Variants in PCDH15 observed in about 807,000 individuals in gnomAD.
PCDH15 encodes the protein protocadherin related 15.
Under a neutral mutation model 178.5 loss-of-function variants are expected in PCDH15, and 129 were observed. The observed-to-expected ratio is 0.72, with a 90% CI of 0.63 to 0.84. PCDH15 has a LOEUF of 0.84. PCDH15 is among the 40% of genes least tolerant of loss of function. PCDH15 has a pLI of 0.00. For synonymous variants in PCDH15, 800 were observed against 732.0 expected, an observed-to-expected ratio of 1.09 and a Z score of -1.50; for missense variants, 2,230 against 2,099.9, an observed-to-expected ratio of 1.06 and a Z score of -1.21.
intron 3 of PCDH15, among the ~76,000 whole-genome samples, chr10:54,414,748 A>G (rs11004287): frequency 0.32 from 48,800 of 151,972 alleles, 9,183 homozygotes; most frequent in East Asian, 0.89. Context: ...AACGAAGCCC[A>G]GAGAGTTTAT....
chr10:54,552,423 A>C (rs2086718490), intron 2 of PCDH15, among the ~76,000 whole-genome samples: 1 of 152,134 alleles, frequency 6.6e-6, no homozygotes, highest in Admixed American at 6.6e-5. Context: ...TTTCATGTCA[A>C]TGTCAGTTCT....
chr10:53,895,168 G>C (rs909077517), intron 26 of PCDH15, among the ~76,000 whole-genome samples: 10 of 152,104 alleles, frequency 6.6e-5, no homozygotes, highest in Admixed American at 6.6e-5. Context: ...GCCCCCAGGA[G>C]CCCTAACCTC....
chr10:54,188,384 G>T (rs1193090653), intron 11 of PCDH15, among the ~76,000 whole-genome samples: 1 of 151,708 alleles, frequency 6.6e-6, no homozygotes, highest in African/African-American at 2.4e-5. Flanking sequence ...TTCCAATAGG[G>T]GTAGCAGACT....
chr10:54,728,427 T>C (rs968447142), intron 1 of PCDH15, among the ~76,000 whole-genome samples: 2 of 151,362 alleles, frequency 1.3e-5, no homozygotes, highest in Non-Finnish European at 3.0e-5. Flanking sequence ...AGACATCATT[T>C]TGAATATACC....
chr10:55,366,837 A>T (rs1421558116), intron 2 of PCDH15, among the ~76,000 whole-genome samples: 4 of 152,054 alleles, frequency 2.6e-5, no homozygotes, highest in African/African-American at 7.2e-5. Flanking sequence ...CACTTAAAAA[A>T]TTTCTAAAAT....
In PCDH15 at chr10:54,298,214, A is replaced by T. The variant is rs185304084; in HGVS notation, c.876+19057T>A. Among the ~76,000 whole-genome samples the T allele has an allele frequency of 4.1e-3, 628 of 152,276 alleles. 2 individuals are homozygous for T. Among genetic ancestry groups the T allele is most frequent in the Non-Finnish European group, 6.2e-3 (422 of 68,028 alleles). On this transcript the variant is annotated intron_variant, in intron 8 of 37. Coordinates refer to ENST00000644397, the MANE Select transcript of PCDH15 (RefSeq NM_001384140.1). ...AATACACTCCACTGTCAACTGACTCACTAGAGGGTCTATTGATCCTAAAAG... is the reference window on the plus strand; with the variant it reads ...AATACACTCCACTGTCAACTGACTCTCTAGAGGGTCTATTGATCCTAAAAG...
chr10:55,450,745 T>C (rs898989026), intron 2 of PCDH15, among the ~76,000 whole-genome samples: 1 of 151,960 alleles, frequency 6.6e-6, no homozygotes, highest in Admixed American at 6.6e-5. Flanking sequence ...TGTGTTACTG[T>C]AGAATCTATT....
chr10:55,305,102 C>G (rs561202818), intron 1 of PCDH15, among the ~76,000 whole-genome samples: 8 of 152,238 alleles, frequency 5.3e-5, no homozygotes, highest in African/African-American at 1.7e-4. Flanking sequence ...TAACTATTAC[C>G]TCGGCTTATC....
intron 2 of PCDH15, among the ~76,000 whole-genome samples, chr10:55,450,849 C>A: frequency 6.6e-6 from 1 of 151,612 alleles, no homozygotes; most frequent in East Asian, 1.9e-4. Flanking sequence ...TCACCTATCA[C>A]CTCTAATCCT....
At chr10:54,823,103 A>T (rs1242165880) in intron 3 of PCDH15, among the ~76,000 whole-genome samples, 1 of 152,026 alleles carries the variant, frequency 6.6e-6, no homozygotes, top group Non-Finnish European at 1.5e-5. Flanking sequence ...GTTGGTCTCA[A>T]ACTCCTGACC....
rs773981919 is a variant in PCDH15, at chr10:54,369,278, G to A, written c.319-3C>T. On this transcript the variant is annotated splice_polypyrimidine_tract_variant and splice_region_variant and intron_variant, in intron 4 of 37. Transcript: ENST00000644397. ...ATGGAGTGTATGTTCATCGGTGGCTGCAATGTAGAAATTGCATCTTTTAAA... is the reference window on the plus strand; with the variant it reads ...ATGGAGTGTATGTTCATCGGTGGCTACAATGTAGAAATTGCATCTTTTAAA... 7 of 1,611,796 alleles carry A rather than the reference G, an allele frequency of 4.3e-6. No individual in the cohort carries two copies. In the African/African-American group the frequency reaches 5.3e-5, roughly 12 times the overall value.
chr10:54,006,588 A>G (rs1241855802), intron 20 of PCDH15, among the ~76,000 whole-genome samples: 3 of 152,300 alleles, frequency 2.0e-5, no homozygotes, highest in Non-Finnish European at 4.4e-5. Flanking sequence ...GCAGGACCCT[A>G]TCAACACTGT....
intron 3 of PCDH15, among the ~76,000 whole-genome samples, chr10:54,427,429 C>A (rs1415317107): frequency 6.6e-6 from 1 of 151,684 alleles, no homozygotes; most frequent in African/African-American, 2.4e-5. Context: ...CAGGCATGCA[C>A]CATCACATCC....
At chr10:54,666,114 G>A (rs1018084387) in intron 1 of PCDH15, among the ~76,000 whole-genome samples, 2 of 151,852 alleles carry the variant, frequency 1.3e-5, no homozygotes, top group African/African-American at 2.4e-5. Flanking sequence ...ATATAAATAC[G>A]TGCTTAATGC....
At chr10:55,553,994 T>G (rs1414103199) in intron 2 of PCDH15, among the ~76,000 whole-genome samples, 1 of 151,996 alleles carries the variant, frequency 6.6e-6, no homozygotes, top group Admixed American at 6.6e-5. Context: ...AAATACTACC[T>G]AAATTCTTCT....
intron 2 of PCDH15, among the ~76,000 whole-genome samples, chr10:55,121,214 G>A (rs549909201): frequency 6.6e-6 from 1 of 152,214 alleles, no homozygotes; most frequent in Non-Finnish European, 1.5e-5. Flanking sequence ...CAAACCTTAA[G>A]ATTTAATGTT....
chr10:55,410,501 T>C (rs577208697), intron 2 of PCDH15, among the ~76,000 whole-genome samples: 1 of 152,120 alleles, frequency 6.6e-6, no homozygotes, highest in South Asian at 2.1e-4. Context: ...TCAAAGCTGA[T>C]TTGCTGCAGG....
intron 2 of PCDH15, among the ~76,000 whole-genome samples, chr10:55,104,362 C>T (rs1010287181): frequency 2.6e-5 from 4 of 152,110 alleles, no homozygotes; most frequent in Admixed American, 2.6e-4. Flanking sequence ...AAGCCAAACA[C>T]CTTTCTAAAA....
chr10:55,071,344 G>A (rs1841741483), intron 2 of PCDH15, among the ~76,000 whole-genome samples: 1 of 152,060 alleles, frequency 6.6e-6, no homozygotes, highest in African/African-American at 2.4e-5. Context: ...GCTGTATTCA[G>A]GACACCCATC....
Sources: gnomAD v4.1 joint callset for allele counts (sites outside exome capture counted in the v4.1 genomes callset) on GRCh38, gnomAD v4.1.1 for gene constraint, MANE v1.5 for transcripts, NCBI Gene and HGNC (gene_info 2026-07-23, HGNC 2026-07-21) for gene names.